MYO7A: variants seen among roughly 807,000 people sequenced by gnomAD.
The protein encoded by MYO7A is myosin VIIA.
Under a neutral mutation model 263.8 loss-of-function variants are expected in MYO7A, and 210 were observed. The observed-to-expected ratio is 0.80, with a 90% CI of 0.71 to 0.89. The LOEUF (loss-of-function observed/expected upper bound fraction) is 0.89. Ranked by LOEUF, MYO7A falls within the 40% of genes least tolerant of loss-of-function variation. The probability of loss-of-function intolerance (pLI) is 0.00; values close to 1 mark genes in which losing one functional copy is unlikely to be tolerated. For synonymous variants in MYO7A, 1,239 were observed against 1,197.3 expected (o/e 1.03, Z -0.72); for missense variants, 2,820 against 2,968.3 (o/e 0.95, Z 1.16).
intron 3 of MYO7A, 38 bp downstream of exon 3, chr11:77,142,860 G>C: frequency 6.6e-7 from 1 of 1,520,638 alleles, no homozygotes; most frequent in Non-Finnish European, 9.0e-7. Flanking sequence ...CCATGCCTTG[G>C]GGTCAGACCT....
chr11:77,181,727 G>C (rs1469751496), intron 23 of MYO7A, 138 bp downstream of exon 23: 3 of 887,702 alleles, frequency 3.4e-6, no homozygotes, highest in African/African-American at 1.7e-5. Flanking sequence ...GGTCCGGGCT[G>C]CAGGTCCCAG....
At chr11:77,209,131 C>T (rs907185101) in intron 44 of MYO7A, 1 of 270,432 alleles carries the variant, frequency 3.7e-6, no homozygotes, top group African/African-American at 2.2e-5. Context: ...TCTGTGCAAA[C>T]ATTTTCTAGC....
intron 19 of MYO7A, among the ~76,000 whole-genome samples, chr11:77,177,870 C>T (rs953578346): frequency 6.6e-6 from 1 of 152,170 alleles, no homozygotes; most frequent in African/African-American, 2.4e-5. Flanking sequence ...TAATGCAATA[C>T]ATTCACCTAC....
chr11:77,190,177 T>A (rs1229101273), intron 29 of MYO7A, 38 bp downstream of exon 29: 2 of 1,512,470 alleles, frequency 1.3e-6, no homozygotes, highest in South Asian at 2.5e-5. Context: ...TGTGCATGTG[T>A]GCGCACGTGT....
intron 27 of MYO7A, among the ~76,000 whole-genome samples, chr11:77,187,766 C>T (rs1200196157): frequency 6.6e-6 from 1 of 152,186 alleles, no homozygotes; most frequent in Admixed American, 6.5e-5. Context: ...AGAGCTGATG[C>T]CATGAATGTG....
rs368267301 is a variant in MYO7A, at chr11:77,147,851, G to A, written c.186G>A (p.Thr62=). 8.5e-5 allele frequency: 137 copies of A among 1,609,254 alleles called. No individual in the cohort carries two copies. The African/African-American group carries it at 1.7e-3, about 20-fold the overall frequency. The change falls in exon 4 of 49, where the codon ACG becomes ACA. Residue 62 remains threonine (T), a synonymous_variant. Coordinates refer to ENST00000409709, the MANE Select transcript of MYO7A (RefSeq NM_000260.4). ...NATHIKPMHP[T]SVHGVEDMIR... ...CGCACATCAAGCCTATGCACCCCAC[G>A]TCGGTCCACGGCGTGGAGGACATGA...
chr11:77,205,346 A>G, intron 39 of MYO7A, 116 bp from the exon 40 acceptor site: 1 of 1,232,254 alleles, frequency 8.1e-7, no homozygotes, highest in Non-Finnish European at 1.1e-6. Context: ...GTCAGGAGGG[A>G]CGGTGCTGCT....
intron 4 of MYO7A, among the ~76,000 whole-genome samples, chr11:77,150,260 A>C (rs533514677): frequency 1.5e-4 from 23 of 152,344 alleles, no homozygotes; most frequent in Non-Finnish European, 3.1e-4. Flanking sequence ...CAGGGGCATG[A>C]AGCATGTGGG....
rs1016121493 is a variant in MYO7A, at chr11:77,142,695, T to C, written c.19-14T>C. The C allele has an allele frequency of 6.3e-7, 1 of 1,597,080 alleles. No individual in the cohort carries two copies. Among genetic ancestry groups the C allele is most frequent in the Admixed American group, 1.7e-5 (1 of 58,034 alleles). ...TCCCTGCTCACCTGGGCTGAGACTC[T>C]CTCTCGCCCATAGGGGGACCATGTG... On this transcript the variant is annotated splice_polypyrimidine_tract_variant and intron_variant, in intron 2 of 48. Transcript: ENST00000409709.
In MYO7A at chr11:77,203,078, G is replaced by A. The variant is rs1456006525; in HGVS notation, c.5187G>A (p.Thr1729=). The A allele has an allele frequency of 1.9e-5, 29 of 1,548,022 alleles. No individual in the cohort carries two copies. The highest frequency in any genetic ancestry group is 2.4e-5 in the East Asian group (1 of 40,924). The change falls in exon 38 of 49, where the codon ACG becomes ACA. Residue 1729 remains threonine, a synonymous_variant. Coordinates refer to ENST00000409709, the MANE Select transcript of MYO7A (RefSeq NM_000260.4). The part of the protein sequence containing the change: ...YDYFRPPPKH[T]LSRVMVSKAR... ...GCGGCAGGCCCCCACCCAAGCACACGCTGAGCCGTGTCATGGTGTCCAAGG... is the reference window on the plus strand; with the variant it reads ...GCGGCAGGCCCCCACCCAAGCACACACTGAGCCGTGTCATGGTGTCCAAGG...
chr11:77,146,140 C>T (rs374564159), intron 3 of MYO7A, among the ~76,000 whole-genome samples: 1 of 152,180 alleles, frequency 6.6e-6, no homozygotes. Flanking sequence ...AGCCAAGCCT[C>T]GAAGGCTAAG....
At chr11:77,210,313 G>A (rs12793619) in intron 44 of MYO7A, among the ~76,000 whole-genome samples, 51,833 of 151,872 alleles carry the variant, frequency 0.34, 9,750 homozygotes, top group African/African-American at 0.49. Context: ...TAAACTGGTG[G>A]CTCAATGAAC....
At chr11:77,160,794 T>A (rs1017455208) in intron 11 of MYO7A, among the ~76,000 whole-genome samples, 179 bp from the exon 12 acceptor site, 4 of 152,080 alleles carry the variant, frequency 2.6e-5, no homozygotes, top group African/African-American at 9.7e-5. Context: ...GTGTAGGAAC[T>A]GTTCAAGCAG....
At chr11:77,191,795 C>G (rs112902501) in intron 30 of MYO7A, among the ~76,000 whole-genome samples, 18 of 152,350 alleles carry the variant, frequency 1.2e-4, no homozygotes, top group African/African-American at 4.1e-4. Flanking sequence ...ACTGTCTGTT[C>G]AGTTTCCCAA....
chr11:77,182,323 G>A lies in MYO7A; in HGVS notation c.3109-101G>A, dbSNP rs1003833332. On this transcript the variant is annotated intron_variant, in intron 24 of 48. Transcript: ENST00000409709. ...TGCCCAGCCTGAGGGCTGACCATGC[G>A]GGAGGGGGTGTCTCCAGCCCACTCC... is the stretch of plus-strand genomic sequence containing the variant. The A allele has an allele frequency of 3.4e-5, 49 of 1,451,210 alleles. No homozygotes were observed. The East Asian group carries it at 8.4e-4, about 25-fold the overall frequency. 89.9% of individuals were successfully genotyped at this position (1,451,210 alleles called of 1,614,324 possible). A position where few individuals can be genotyped will look rare whatever the true frequency, so the allele number is the denominator to read the frequency against.
At position 77,212,938 on chromosome 11, in the gene MYO7A, A is replaced by T. The variant is rs757012018; in HGVS notation, c.6355-14A>T. On this transcript the variant is annotated splice_polypyrimidine_tract_variant and intron_variant, in intron 46 of 48. Transcript: ENST00000409709. Reference sequence around the variant, plus strand: ...CTGGGCCCCCATCTGATGCCTTCTCATCTTTTTTTCTAGCAAACTACGGAG... The same window carrying T: ...CTGGGCCCCCATCTGATGCCTTCTCTTCTTTTTTTCTAGCAAACTACGGAG... 5 of 1,578,000 alleles carry T rather than the reference A, an allele frequency of 3.2e-6. No individual in the cohort carries two copies. Among genetic ancestry groups the T allele is most frequent in the Non-Finnish European group, 4.3e-6 (5 of 1,159,916 alleles).
At chr11:77,161,361 C>A (rs1952980966) in intron 12 of MYO7A, among the ~76,000 whole-genome samples, 1 of 152,110 alleles carries the variant, frequency 6.6e-6, no homozygotes, top group African/African-American at 2.4e-5. Flanking sequence ...GGGAGGAAAC[C>A]TCTGGTCTCC....
chr11:77,179,401 G>A (rs569996721), intron 20 of MYO7A, among the ~76,000 whole-genome samples: 1 of 152,358 alleles, frequency 6.6e-6, no homozygotes, highest in South Asian at 2.1e-4. Flanking sequence ...CTCAGACAGG[G>A]TGAGAGTGGC....
chr11:77,189,309 G>T (rs782257363), intron 27 of MYO7A, 35 bp from the exon 28 acceptor site: 14 of 1,610,676 alleles, frequency 8.7e-6, no homozygotes, highest in Non-Finnish European at 8.5e-7. Flanking sequence ...TTCCTGTGGG[G>T]TGATTCCCCC....
Sources: gnomAD v4.1 joint callset for allele counts (sites outside exome capture counted in the v4.1 genomes callset) on GRCh38, gnomAD v4.1.1 for gene constraint, MANE v1.5 for transcripts, NCBI Gene and HGNC (gene_info 2026-07-23, HGNC 2026-07-21) for gene names.